The following BCL11A variants were observed in gnomAD, a reference collection of about 807,000 sequenced individuals.
The protein encoded by BCL11A is BCL11 transcription factor A.
Under a neutral mutation model 55.9 loss-of-function variants are expected in BCL11A, and 2 were observed. The observed-to-expected ratio is 0.04, with a 90% CI of 0.01 to 0.11. The LOEUF (loss-of-function observed/expected upper bound fraction) is 0.11, where lower values mean the gene tolerates loss of function less well. BCL11A is among the 10% of genes least tolerant of loss of function. The probability of loss-of-function intolerance (pLI) is 1.00; values close to 1 mark genes in which losing one functional copy is unlikely to be tolerated. For synonymous variants in BCL11A, 465 were observed against 473.4 expected (o/e 0.98, Z 0.23); for missense variants, 817 against 1,137.1 (o/e 0.72, Z 4.05).
In BCL11A at chr2:60,545,976, A is replaced by C; in HGVS notation, c.380T>G (p.Ile127Arg). 2.5e-6 allele frequency: 4 copies of C among 1,612,860 alleles called. No homozygotes were observed. Among genetic ancestry groups the C allele is most frequent in the Non-Finnish European group, 3.4e-6 (4 of 1,179,030 alleles). ...SRGICPKQEH[I>R]ADKLLHWRGL... is the part of the protein sequence containing the mutation. Reference sequence around the variant, plus strand: ...TCTCCTTGCTTCTCATTTACCTGCTATGTGTTCCTGTTTGGGGCAAATTCC... The same window carrying C: ...TCTCCTTGCTTCTCATTTACCTGCTCTGTGTTCCTGTTTGGGGCAAATTCC... The change falls in exon 2 of 4, where the codon ATA (isoleucine) becomes AGA (arginine). Residue 127 changes from isoleucine to arginine, a missense_variant. Around this residue, in one of 4 missense-constraint regions of BCL11A, gnomAD observed 363 missense variants for 486.6 expected, o/e 0.75. Transcript: ENST00000642384.
chr2:60,467,240 A>G (rs1218243915), intron 3 of BCL11A, among the ~76,000 whole-genome samples: 10 of 48,916 alleles, frequency 2.0e-4, no homozygotes, highest in Non-Finnish European at 2.6e-4. Flanking sequence ...GGTGGTAGTG[A>G]TGGTGGTGGT....
intron 3 of BCL11A, 105 bp from the exon 4 acceptor site, chr2:60,462,529 A>G (rs1676376009): frequency 9.5e-6 from 14 of 1,480,734 alleles, no homozygotes; most frequent in Admixed American, 2.4e-5. Context: ...CCACCCCTCA[A>G]CCCCAAGGCC....
At chr2:60,529,762 T>C (rs1232739928) in intron 2 of BCL11A, among the ~76,000 whole-genome samples, 1 of 152,200 alleles carries the variant, frequency 6.6e-6, no homozygotes, top group Non-Finnish European at 1.5e-5. Flanking sequence ...ACATTTTATA[T>C]AGATGTGCAC....
At chr2:60,527,945 C>CCA (rs1412810092) in intron 2 of BCL11A, 2 of 152,264 alleles carry the variant, frequency 1.3e-5, no homozygotes, top group African/African-American at 2.4e-5. Context: ...GGAGAGGCCA[C>CCA]CACGCAGCTG....
downstream of BCL11A, chr2:60,452,977 A>G (rs1404457000): frequency 1.4e-5 from 3 of 216,860 alleles, no homozygotes; most frequent in Admixed American, 1.1e-4. Flanking sequence ...ACTTGCCCTT[A>G]TGACTGAGAA....
chr2:60,496,240 G>A (rs970598769), intron 2 of BCL11A, among the ~76,000 whole-genome samples: 1 of 152,224 alleles, frequency 6.6e-6, no homozygotes, highest in Non-Finnish European at 1.5e-5. Context: ...TCCAATACAC[G>A]TTTACAGAAT....
At chr2:60,515,940 C>G (rs1668707491) in intron 2 of BCL11A, among the ~76,000 whole-genome samples, 1 of 152,214 alleles carries the variant, frequency 6.6e-6, no homozygotes, top group African/African-American at 2.4e-5. Flanking sequence ...AGGGAATATT[C>G]TCTGGGCACC....
At position 60,462,118 on chromosome 2, in the gene BCL11A, A is replaced by AG. The variant is rs761909641; in HGVS notation, c.793dup (p.Leu265ProfsTer3). The AG allele has an allele frequency of 1.3e-6, 2 of 1,555,076 alleles. No individual in the cohort carries two copies. The highest frequency in any genetic ancestry group is 8.7e-7 in the Non-Finnish European group (1 of 1,152,676). On this transcript the variant is annotated frameshift_variant, in exon 4 of 4. Transcript: ENST00000642384. LOFTEE classifies it high-confidence loss of function. ...GTGATGTCTCGGTGGTGGACTAAAC[A>AG]GGGGGGGAGTGGGTGGAAAGCGCCC...
At chr2:60,513,331 G>C (rs140403961) in intron 2 of BCL11A, among the ~76,000 whole-genome samples, 2 of 152,166 alleles carry the variant, frequency 1.3e-5, no homozygotes, top group African/African-American at 4.8e-5. Context: ...AGTCCCAGGA[G>C]TGGCACTAGA....
At chr2:60,489,955 G>A (rs2104296017) in intron 2 of BCL11A, among the ~76,000 whole-genome samples, 1 of 152,256 alleles carries the variant, frequency 6.6e-6, no homozygotes. Context: ...TCCCAACATG[G>A]ATGGACTGGA....
intron 1 of BCL11A, among the ~76,000 whole-genome samples, chr2:60,552,872 A>C (rs893181761): frequency 8.1e-6 from 1 of 123,422 alleles, no homozygotes; most frequent in Non-Finnish European, 1.8e-5. Flanking sequence ...ATTGTTCATT[A>C]TTTTGCAAAA....
At chr2:60,452,606 G>A, downstream of BCL11A, 2 of 1,613,810 alleles carry the variant, frequency 1.2e-6, no homozygotes, top group Non-Finnish European at 8.5e-7. Flanking sequence ...GCTTCCATCC[G>A]AAAACTGCCA....
chr2:60,541,568 C>T (rs1233285764), intron 2 of BCL11A, among the ~76,000 whole-genome samples: 3 of 152,200 alleles, frequency 2.0e-5, no homozygotes, highest in Non-Finnish European at 4.4e-5. Context: ...GTCTTATTTA[C>T]AAATACAGCT....
intron 2 of BCL11A, chr2:60,542,018 A>T: frequency 1.6e-6 from 1 of 636,712 alleles, no homozygotes; most frequent in Non-Finnish European, 2.8e-6. Context: ...TTTTAAGAGC[A>T]TGCTAATGTA....
At chr2:60,545,482 C>G (rs1032646758) in intron 2 of BCL11A, 1 of 159,420 alleles carries the variant, frequency 6.3e-6, no homozygotes, top group Non-Finnish European at 1.4e-5. Flanking sequence ...AACTACCCTG[C>G]CAGCCCACTC....
rs757661194 is a variant in BCL11A, at chr2:60,461,280, G to T, written c.1632C>A (p.Pro544=). 2 of 1,605,090 alleles carry T rather than the reference G, an allele frequency of 1.2e-6. No homozygotes were observed. The highest frequency in any genetic ancestry group is 1.3e-5 in the African/African-American group (1 of 74,862). The part of the protein sequence containing the change: ...VGVGDESRAL[P]DVMQGMVLSS... ...TGAGCACCATGCCCTGCATGACGTC[G>T]GGCAGGGCGCGGCTCTCGTCGCCCA... The change falls in exon 4 of 4, where the codon CCC becomes CCA. Residue 544 remains proline (P), a synonymous_variant. Transcript: ENST00000642384.
At chr2:60,552,613 G>A (rs1248289062) in intron 1 of BCL11A, among the ~76,000 whole-genome samples, 3 of 152,204 alleles carry the variant, frequency 2.0e-5, no homozygotes, top group Admixed American at 6.5e-5. Context: ...GAGCGCCGGG[G>A]GCCCCTTTCC....
downstream of BCL11A, among the ~76,000 whole-genome samples, chr2:60,455,561 G>A (rs1286078312): frequency 1.3e-5 from 2 of 152,152 alleles, no homozygotes; most frequent in Non-Finnish European, 2.9e-5. Flanking sequence ...CATAATCTGT[G>A]ATTTATCACC....
At chr2:60,450,605 C>A (rs1675690697), downstream of BCL11A, 1 of 152,170 alleles carries the variant, frequency 6.6e-6, no homozygotes, top group Non-Finnish European at 1.5e-5. Context: ...TCACAGAAAC[C>A]CTAATGGTCT....
Sources: allele counts gnomAD v4.1 joint callset (sites outside exome capture counted in the v4.1 genomes callset), GRCh38; gene constraint gnomAD v4.1.1; regional missense constraint gnomAD v4.1.1; transcripts MANE v1.5; gene names NCBI Gene and HGNC (gene_info 2026-07-23, HGNC 2026-07-21).